Variants in RPS6KA2 observed in about 807,000 individuals in gnomAD.
RPS6KA2 encodes ribosomal protein S6 kinase A2, also known as ribosomal protein S6 kinase alpha-2.
Under a neutral mutation model 91.8 loss-of-function variants are expected in RPS6KA2, and 42 were observed. That is an observed-to-expected ratio of 0.46 (90% CI 0.36 to 0.59). The LOEUF is 0.59. Ranked by LOEUF, RPS6KA2 falls within the 20% of genes least tolerant of loss-of-function variation. RPS6KA2 has a pLI of 0.00. For missense variants in RPS6KA2, 798 were observed against 978.5 expected (o/e 0.82, Z 2.46); for synonymous variants, 414 against 393.6 (o/e 1.05, Z -0.61).
At chr6:166,776,194 CAG>C (rs1778613880) in intron 2 of RPS6KA2, among the ~76,000 whole-genome samples, 1 of 152,252 alleles carries the variant, frequency 6.6e-6, no homozygotes, top group South Asian at 2.1e-4. Context: ...GCAGAAATGA[CAG>C]AGAATGATCT....
chr6:166,758,326 T>C (rs1224469632), intron 2 of RPS6KA2, among the ~76,000 whole-genome samples: 1 of 152,258 alleles, frequency 6.6e-6, no homozygotes, highest in Non-Finnish European at 1.5e-5. Flanking sequence ...ACGTTCTCTC[T>C]ACAAGCTTTT....
intron 2 of RPS6KA2, among the ~76,000 whole-genome samples, chr6:166,780,385 C>T (rs1344293451): frequency 1.3e-5 from 2 of 152,196 alleles, no homozygotes; most frequent in African/African-American, 4.8e-5. Context: ...GGAAGGACCA[C>T]CAGCAACCAT....
chr6:166,521,030 G>A (rs1458786365), intron 3 of RPS6KA2, among the ~76,000 whole-genome samples: 2 of 152,246 alleles, frequency 1.3e-5, no homozygotes, highest in Non-Finnish European at 2.9e-5. Flanking sequence ...CAGCACTGCT[G>A]TCCCTGGCTG....
chr6:166,817,484 G>A (rs942027803), intron 2 of RPS6KA2, among the ~76,000 whole-genome samples: 3 of 152,036 alleles, frequency 2.0e-5, no homozygotes, highest in Admixed American at 6.6e-5. Context: ...TTTAAAACCT[G>A]TCTGCTAGAT....
chr6:166,527,315 C>T (rs1044301637), intron 3 of RPS6KA2, among the ~76,000 whole-genome samples: 1 of 152,146 alleles, frequency 6.6e-6, no homozygotes, highest in Admixed American at 6.5e-5. Context: ...AGAAAAGGAG[C>T]TCTTCCGGGT....
Position 166,554,907 on chromosome 6 carries a change from A to G in RPS6KA2, c.100-16123T>C, listed in dbSNP as rs16899150. 0.033 allele frequency among the ~76,000 whole-genome samples: 4,957 copies of G among 152,142 alleles called. 277 individuals are homozygous for G. Among genetic ancestry groups the G allele is most frequent in the African/African-American group, 0.11 (4,702 of 41,484 alleles). On this transcript the variant is annotated intron_variant, in intron 1 of 20. Transcript: ENST00000265678. This position sits in a 1 kb window ranked among gnomAD's most constrained non-coding sequence, Gnocchi z 4.3. ...CAAAGGTCAATTGGTAATTTACAAAACCTGATTTTGAGATGACTTTAGGAA... is the reference window on the plus strand; with the variant it reads ...CAAAGGTCAATTGGTAATTTACAAAGCCTGATTTTGAGATGACTTTAGGAA...
At chr6:166,512,943 C>A (rs917309002) in intron 3 of RPS6KA2, among the ~76,000 whole-genome samples, 1 of 152,160 alleles carries the variant, frequency 6.6e-6, no homozygotes, top group Non-Finnish European at 1.5e-5. Flanking sequence ...CTCTTCTAAC[C>A]CCAGACCCTT....
At chr6:166,458,809 G>A (rs1780183564) in intron 12 of RPS6KA2, among the ~76,000 whole-genome samples, 1 of 152,182 alleles carries the variant, frequency 6.6e-6, no homozygotes, top group Non-Finnish European at 1.5e-5. Flanking sequence ...CACACAGTCT[G>A]TAGTATTTTG....
chr6:166,454,360 G>GTA, intron 12 of RPS6KA2, among the ~76,000 whole-genome samples: 1 of 151,910 alleles, frequency 6.6e-6, no homozygotes, highest in African/African-American at 2.4e-5. Context: ...TAGCCAGGCG[G>GTA]GGTGGCGCAC....
chr6:166,430,420 C>T (rs764092876), intron 16 of RPS6KA2, 33 bp downstream of exon 16: 2 of 1,584,194 alleles, frequency 1.3e-6, no homozygotes, highest in Non-Finnish European at 1.7e-6. Context: ...AAGCTCCCTC[C>T]TCCCCGAAGG....
intron 1 of RPS6KA2, among the ~76,000 whole-genome samples, chr6:166,613,741 T>C (rs922328954): frequency 1.3e-5 from 2 of 148,458 alleles, no homozygotes; most frequent in Non-Finnish European, 3.0e-5. Context: ...ATGTGAAACA[T>C]TAGGGCTTTC....
At chr6:166,679,718 G>A (rs571014915) in intron 2 of RPS6KA2, among the ~76,000 whole-genome samples, 2 of 152,236 alleles carry the variant, frequency 1.3e-5, no homozygotes, top group East Asian at 1.9e-4. Context: ...GGGGCTGGCC[G>A]AGGCCGGAGC....
intron 3 of RPS6KA2, among the ~76,000 whole-genome samples, chr6:166,526,735 A>G (rs1783058604): frequency 6.6e-6 from 1 of 152,216 alleles, no homozygotes; most frequent in Admixed American, 6.5e-5. Context: ...TTACATTACA[A>G]AAAAATTAGA....
In RPS6KA2 at chr6:166,626,174, A is replaced by T. The variant is rs1786865369; in HGVS notation, c.99+747T>A. Among the ~76,000 whole-genome samples the T allele has an allele frequency of 6.6e-6, 1 of 152,214 alleles. No homozygotes were observed. The highest frequency in any genetic ancestry group is 2.1e-4 in the South Asian group (1 of 4,832). ...TCAACAATGTGATTTGGACACTGGG[A>T]ATAAGAGAATAAGATTTGATGGTTG... On this transcript the variant is annotated intron_variant, in intron 1 of 20. Transcript: ENST00000265678. The surrounding 1 kb of genome is among the most constrained non-coding windows in gnomAD (Gnocchi z 4.1).
chr6:166,579,358 C>T (rs1024521147), intron 1 of RPS6KA2, among the ~76,000 whole-genome samples: 2 of 152,050 alleles, frequency 1.3e-5, no homozygotes, highest in South Asian at 4.1e-4. Context: ...CTTGGCTGCT[C>T]GGGCCCTTCC....
intron 11 of RPS6KA2, among the ~76,000 whole-genome samples, chr6:166,461,988 G>T (rs13208037): frequency 1.3e-5 from 2 of 152,244 alleles, no homozygotes; most frequent in Non-Finnish European, 2.9e-5. Flanking sequence ...TGCCACACCT[G>T]TGTGACCGCT....
At chr6:166,705,314 G>A (rs564698008) in intron 2 of RPS6KA2, among the ~76,000 whole-genome samples, 17 of 152,274 alleles carry the variant, frequency 1.1e-4, no homozygotes, top group African/African-American at 3.9e-4. Flanking sequence ...GAATGTGTCC[G>A]TTTCTCTTTG....
chr6:166,844,097 CAA>C (rs1004032144), intron 2 of RPS6KA2, among the ~76,000 whole-genome samples: 5 of 151,982 alleles, frequency 3.3e-5, no homozygotes, highest in African/African-American at 1.2e-4. Context: ...TTCTGGAAAT[CAA>C]AGACACACTT....
In RPS6KA2 at chr6:166,779,020, G is replaced by A. The variant is rs202017966; in HGVS notation, c.123+79180C>T. Among the ~76,000 whole-genome samples the A allele has an allele frequency of 1.3e-4, 20 of 152,346 alleles. No homozygotes were observed. The East Asian group carries it at 3.3e-3, about 25-fold the overall frequency. ...AAATGCGCAAATCTTGTGGCCTGCC[G>A]ATTTCACATTGACGTGTCTAGACAG... On this transcript the variant is annotated intron_variant, in intron 2 of 21. Coordinates refer to the RPS6KA2 transcript ENST00000503859.
Sources: gnomAD v4.1 joint callset for allele counts (sites outside exome capture counted in the v4.1 genomes callset) on GRCh38, gnomAD v4.1.1 for gene constraint, Gnocchi (gnomAD v3.1) non-coding constraint, MANE v1.5 for transcripts, NCBI Gene and HGNC (gene_info 2026-07-23, HGNC 2026-07-21) for gene names.